SYPL1: variants seen among roughly 807,000 people sequenced by gnomAD.
The protein encoded by SYPL1 is synaptophysin-like protein 1.
SYPL1 carries 6 observed loss-of-function variants against 23.7 expected under a neutral mutation model. The ratio of observed to expected loss-of-function variants is 0.25; its 90% confidence interval spans 0.14 to 0.50. SYPL1 has a LOEUF of 0.50. Among genes scored for constraint, SYPL1 ranks in the 20% least tolerant of loss-of-function variants. The pLI, the probability that SYPL1 is intolerant of heterozygous loss-of-function variation, is 0.98. For synonymous variants in SYPL1, 102 were observed against 104.5 expected (o/e 0.98, Z 0.15); for missense variants, 253 against 288.9 (o/e 0.88, Z 0.90).
chr7:106,093,600 G>T (rs1839875133), intron 3 of SYPL1, among the ~76,000 whole-genome samples: 1 of 69,558 alleles, frequency 1.4e-5, no homozygotes, highest in Non-Finnish European at 4.6e-5. Flanking sequence ...TGATCCTACT[G>T]CTTTCTTACT....
intron 3 of SYPL1, 153 bp from the exon 4 acceptor site, chr7:106,093,290 T>A: frequency 1.5e-6 from 1 of 647,758 alleles, no homozygotes; most frequent in Non-Finnish European, 2.5e-6. Flanking sequence ...GTCAGCATAG[T>A]AAACATTGCT....
At chr7:106,111,911 G>A (rs1221423311) in intron 1 of SYPL1, 2 of 323,672 alleles carry the variant, frequency 6.2e-6, no homozygotes, top group African/African-American at 2.2e-5. Context: ...GGCTCCCCTG[G>A]GAGCCAGGCG....
chr7:106,101,722 TAC>T (rs1441893611), intron 1 of SYPL1, among the ~76,000 whole-genome samples: 3 of 145,944 alleles, frequency 2.1e-5, no homozygotes, highest in Non-Finnish European at 4.5e-5. Context: ...TATGCATGAA[TAC>T]ACAGAGTGAA....
upstream of SYPL1, chr7:106,112,497 C>A: frequency 5.2e-6 from 8 of 1,524,514 alleles, no homozygotes; most frequent in Non-Finnish European, 6.1e-6. Flanking sequence ...GTCGACTGAT[C>A]CGCTGGCGAA....
chr7:106,112,542 G>T, upstream of SYPL1: 1 of 1,506,744 alleles, frequency 6.6e-7, no homozygotes. Context: ...TGCGTGCGCC[G>T]CGCCCCCTTC....
chr7:106,091,887 T>C lies in SYPL1; in HGVS notation c.644A>G (p.Tyr215Cys), dbSNP rs750094563. The C allele has an allele frequency of 2.7e-5, 44 of 1,613,618 alleles. No homozygotes were observed. The Admixed American group carries it at 7.3e-4, about 27-fold the overall frequency. ...ILWGGNAWFV[Y>C]KETSLHSPSN... ...TGGACTGTGTAGGCTGGTCTCCTTG[T>C]ACACAAACCAAGCATTTCCTCCCCA... The change falls in exon 5 of 5, where the codon TAC becomes TGC. Residue 215 changes from tyrosine (Y) to cysteine (C), a missense_variant. Physicochemically the swap from Tyr to Cys is radical, Grantham distance 194. Transcript: ENST00000455385. The surrounding 1 kb of genome is among the most constrained non-coding windows in gnomAD (Gnocchi z 5.0).
intron 1 of SYPL1, among the ~76,000 whole-genome samples, chr7:106,101,807 TAC>T (rs1467791084): frequency 6.8e-6 from 1 of 146,474 alleles, no homozygotes; most frequent in Non-Finnish European, 1.5e-5. Context: ...AGAAATGAGA[TAC>T]ACAAATTGAA....
At chr7:106,112,490 G>C, upstream of SYPL1, 2 of 1,523,116 alleles carry the variant, frequency 1.3e-6, no homozygotes, top group Middle Eastern at 1.8e-4. Flanking sequence ...TGGCCGAGTC[G>C]ACTGATCCGC....
At chr7:106,099,875 G>A (rs1840223772) in intron 1 of SYPL1, among the ~76,000 whole-genome samples, 1 of 152,180 alleles carries the variant, frequency 6.6e-6, no homozygotes, top group African/African-American at 2.4e-5. Context: ...CTAAGATGGT[G>A]AAAGACATTA....
rs1450261751 is a variant in SYPL1 at position 106,093,013 on chromosome 7, T to G, written c.527A>C (p.Lys176Thr). 4.3e-6 allele frequency: 7 copies of G among 1,613,874 alleles called. No individual in the cohort carries two copies. Among genetic ancestry groups the G allele is most frequent in the Non-Finnish European group, 5.9e-6 (7 of 1,179,884 alleles). Reference sequence around the variant, plus strand: ...AAAGTAACACAGTACTGCTTTCTTCTTACAAGGCGGAAGTTCATCAATAAT... The same window carrying G: ...AAAGTAACACAGTACTGCTTTCTTCGTACAAGGCGGAAGTTCATCAATAAT... Reference protein sequence around the residue: ...HNIIDELPPCKKKAVLCYFGS... With the variant: ...HNIIDELPPCTKKAVLCYFGS... The change falls in exon 4 of 5, where the codon AAG (lysine) becomes ACG (threonine). Residue 176 changes from lysine (K) to threonine (T), a missense_variant. Coordinates refer to ENST00000455385, the MANE Select transcript of SYPL1 (RefSeq NM_182715.4).
chr7:106,101,457 C>G (rs1190452381), intron 1 of SYPL1, among the ~76,000 whole-genome samples: 8 of 27,892 alleles, frequency 2.9e-4, no homozygotes, highest in South Asian at 1.2e-3. Context: ...CCCCCCCCCC[C>G]CCCCCCCCCC....
At chr7:106,106,857 TAAATAA>T (rs921518290) in intron 1 of SYPL1, among the ~76,000 whole-genome samples, 1 of 152,068 alleles carries the variant, frequency 6.6e-6, no homozygotes, top group African/African-American at 2.4e-5. Context: ...AAAAAATAAA[TAAATAA>T]AATTTAAAAA....
chr7:106,097,849 A>T lies in SYPL1; in HGVS notation c.243T>A (p.Asp81Glu). 6.2e-7 allele frequency: 1 copy of T among 1,613,978 alleles called. No individual in the cohort carries two copies. Among genetic ancestry groups the T allele is most frequent in the Non-Finnish European group, 8.5e-7 (1 of 1,179,898 alleles). The change falls in exon 3 of 5, where the codon GAT (aspartate) becomes GAA (glutamate). Residue 81 changes from aspartate (D) to glutamate (E), a missense_variant. Coordinates refer to ENST00000455385, the MANE Select transcript of SYPL1 (RefSeq NM_182715.4). This position sits in a 1 kb window ranked among gnomAD's most constrained non-coding sequence, Gnocchi z 4.6. ...FQPPPGVNIC[D>E]VNWKDYVLIG... The stretch of plus-strand genomic sequence containing the variant: ...TGAGGACGTAATCTTTCCAATTTAC[A>T]TCACATATGTTTACACCTGGAGGTG...
At position 106,091,749 on chromosome 7, in the gene SYPL1, T is replaced by G; in HGVS notation, c.*56A>C. The G allele has an allele frequency of 6.5e-7, 1 of 1,540,192 alleles. No homozygotes were observed. The highest frequency in any genetic ancestry group is 8.7e-7 in the Non-Finnish European group (1 of 1,143,452). ...GAAACAAATAATGCTTCTCAAGGTG[T>G]TGGCAACATGTCATAGTATCAACAT... On this transcript the variant is annotated 3_prime_UTR_variant, in exon 5 of 5. Transcript: ENST00000455385. This position sits in a 1 kb window ranked among gnomAD's most constrained non-coding sequence, Gnocchi z 5.0.
chr7:106,093,277 T>C, intron 3 of SYPL1, 140 bp from the exon 4 acceptor site: 1 of 755,918 alleles, frequency 1.3e-6, no homozygotes, highest in East Asian at 2.8e-5. Flanking sequence ...ATTAAAAAAG[T>C]CAGTCAGCAT....
chr7:106,101,716 C>T (rs73719095), intron 1 of SYPL1, among the ~76,000 whole-genome samples: 1,862 of 148,282 alleles, frequency 0.013, 35 homozygotes, highest in African/African-American at 0.044. Context: ...AATAAATATG[C>T]ATGAATACAC....
chr7:106,112,437 C>T (rs1418940134), upstream of SYPL1: 8 of 1,022,094 alleles, frequency 7.8e-6, no homozygotes, highest in African/African-American at 1.4e-4. Context: ...AGGCGAGGGG[C>T]GGGCCGGGGC....
In SYPL1 at chr7:106,104,206, T is replaced by C. The variant is rs1210227646; in HGVS notation, c.70-4924A>G. 1.3e-5 allele frequency among the ~76,000 whole-genome samples: 2 copies of C among 152,162 alleles called. No homozygotes were observed. The highest frequency in any genetic ancestry group is 4.8e-5 in the African/African-American group (2 of 41,440). On this transcript the variant is annotated intron_variant, in intron 1 of 4. Transcript: ENST00000455385. This position sits in a 1 kb window ranked among gnomAD's most constrained non-coding sequence, Gnocchi z 4.1. ...TCATAGACATTAACTCTATTATATA[T>C]GAACTCTACTATAGGCATTTTTCTT... is the stretch of plus-strand genomic sequence containing the variant.
At chr7:106,111,277 T>C (rs1790130583) in intron 1 of SYPL1, among the ~76,000 whole-genome samples, 1 of 152,208 alleles carries the variant, frequency 6.6e-6, no homozygotes, top group Non-Finnish European at 1.5e-5. Flanking sequence ...GAAAAAGCTA[T>C]GGATGTAAAT....
Sources: gnomAD v4.1 joint callset for allele counts (sites outside exome capture counted in the v4.1 genomes callset) on GRCh38, gnomAD v4.1.1 for gene constraint, Gnocchi (gnomAD v3.1) non-coding constraint, MANE v1.5 for transcripts, NCBI Gene and HGNC (gene_info 2026-07-23, HGNC 2026-07-21) for gene names.